The following POLR1A variants were observed in gnomAD, a reference collection of about 807,000 sequenced individuals.
The protein encoded by POLR1A is RNA polymerase I subunit A, also known as DNA-directed RNA polymerase I subunit RPA1.
Under a neutral mutation model 205.3 loss-of-function variants are expected in POLR1A, and 84 were observed. That is an observed-to-expected ratio of 0.41 (90% confidence interval 0.34 to 0.49). The LOEUF is 0.49. POLR1A is among the 20% of genes least tolerant of loss of function. POLR1A has a pLI of 0.22. For missense variants in POLR1A, 1,645 were observed against 2,204.5 expected (o/e 0.75, Z 5.08); for synonymous variants, 799 against 863.7 (o/e 0.93, Z 1.31).
chr2:86,100,535 C>CTT (rs568031636), intron 1 of POLR1A, among the ~76,000 whole-genome samples: 1,777 of 137,606 alleles, frequency 0.013, 43 homozygotes, highest in African/African-American at 0.044. Flanking sequence ...ATTATTCTGT[C>CTT]TTTTTTTTTT....
rs376335615 is a variant in POLR1A at position 86,049,168 on chromosome 2, C to T, written c.2467G>A (p.Gly823Arg). The change falls in exon 17 of 34, where the codon GGG becomes AGG. Residue 823 changes from glycine (G) to arginine (R), a missense_variant. Physicochemically the swap from Gly to Arg is moderately radical, Grantham distance 125. Coordinates refer to ENST00000263857, the MANE Select transcript of POLR1A (RefSeq NM_015425.6). The stretch of plus-strand genomic sequence containing the variant: ...TCGAAGTCCCTCCTTACCTGGGGCC[C>T]GCAGTGGGTGGATTCTTCAATGATA... ...QRIIEESTHC[G>R]PQAVRAALNL... The T allele has an allele frequency of 3.1e-6, 5 of 1,613,396 alleles. No homozygotes were observed. Among genetic ancestry groups the T allele is most frequent in the Non-Finnish European group, 4.2e-6 (5 of 1,179,398 alleles).
chr2:86,037,158 G>A (rs925627356), intron 27 of POLR1A: 11 of 152,290 alleles, frequency 7.2e-5, no homozygotes. Flanking sequence ...TAATTAAGGA[G>A]CTGGCAGGCG....
At chr2:86,076,340 T>C (rs965990197) in intron 11 of POLR1A, among the ~76,000 whole-genome samples, 8 of 152,238 alleles carry the variant, frequency 5.3e-5, no homozygotes, top group African/African-American at 1.7e-4. Flanking sequence ...GAGCCTGCTC[T>C]ACTGTTGCTG....
rs1186550871 is a variant in POLR1A, at chr2:86,039,342, C to T, written c.3861G>A (p.Arg1287=). 6.2e-7 allele frequency: 1 copy of T among 1,614,032 alleles called. No individual in the cohort carries two copies. Among genetic ancestry groups the T allele is most frequent in the Admixed American group, 1.7e-5 (1 of 60,006 alleles). Residue 1287 remains arginine, a synonymous_variant, in exon 26 of 34, where the codon AGG becomes AGA. Coordinates refer to ENST00000263857, the MANE Select transcript of POLR1A (RefSeq NM_015425.6). ...GAGACGTTACCTCCCCCAAGCACAC[C>T]CTGGTGAGTTGCTTCTTCAGGCTTT... ...RVKSLKKQLT[R]VCLGEVLQKI... is the part of the protein sequence containing the mutation.
At chr2:86,046,507 G>A (rs1236256705) in intron 19 of POLR1A, among the ~76,000 whole-genome samples, 1 of 152,072 alleles carries the variant, frequency 6.6e-6, no homozygotes, top group East Asian at 1.9e-4. Context: ...CAAGGTTTAA[G>A]GTTAAGAAAT....
chr2:86,055,631 G>A (rs1672882344), intron 14 of POLR1A, among the ~76,000 whole-genome samples: 1 of 152,184 alleles, frequency 6.6e-6, no homozygotes, highest in African/African-American at 2.4e-5. Flanking sequence ...CTGGAACTTG[G>A]TGTGAAAGGT....
chr2:86,065,605 A>C, intron 13 of POLR1A, 140 bp from the exon 14 acceptor site: 1 of 689,776 alleles, frequency 1.4e-6, no homozygotes, highest in East Asian at 2.7e-5. Flanking sequence ...CATCCTCACT[A>C]TGTTCTTGCT....
At chr2:86,040,239 A>G (rs1672577380) in intron 25 of POLR1A, 153 bp downstream of exon 25, 1 of 598,714 alleles carries the variant, frequency 1.7e-6, no homozygotes, top group East Asian at 3.2e-5. Flanking sequence ...TGGAAATTCT[A>G]ACCCTGATCC....
chr2:86,028,542 G>T lies in POLR1A; in HGVS notation c.4897+52C>A. ...CCTGACCCTCCTGCCGAGCCTTCTG[G>T]TGTCCTGGCTGGTGCCCAGACCTCG... On this transcript the variant is annotated intron_variant, in intron 32 of 33. Coordinates refer to ENST00000263857, the MANE Select transcript of POLR1A (RefSeq NM_015425.6). This position sits in a 1 kb window ranked among gnomAD's most constrained non-coding sequence, Gnocchi z 4.5. 2.0e-5 allele frequency: 26 copies of T among 1,321,682 alleles called. No homozygotes were observed. Among genetic ancestry groups the T allele is most frequent in the Non-Finnish European group, 2.8e-5 (26 of 913,124 alleles). 81.9% of individuals were successfully genotyped at this position (1,321,682 alleles called of 1,614,324 possible). A position where few individuals can be genotyped will look rare whatever the true frequency, so the allele number is the denominator to read the frequency against.
chr2:86,035,034 C>G (rs1672469246), intron 27 of POLR1A, among the ~76,000 whole-genome samples: 1 of 152,120 alleles, frequency 6.6e-6, no homozygotes, highest in Non-Finnish European at 1.5e-5. Context: ...CCATGCCCGA[C>G]TAATTTTTCT....
At chr2:86,049,287 T>A in intron 16 of POLR1A, 45 bp from the exon 17 acceptor site, 1 of 1,396,800 alleles carries the variant, frequency 7.2e-7, no homozygotes, top group Non-Finnish European at 1.0e-6. Flanking sequence ...TCAGGCCTGA[T>A]TTCTCCCACC....
chr2:86,045,847 T>C (rs1672701278), intron 19 of POLR1A, 78 bp from the exon 20 acceptor site: 2 of 1,285,540 alleles, frequency 1.6e-6, no homozygotes. Flanking sequence ...AGGGAAAGTA[T>C]AATCTGACCT....
rs1369347191 is a variant in POLR1A at position 86,105,886 on chromosome 2, T to C, written c.-110A>G. On this transcript the variant is annotated 5_prime_UTR_variant, in exon 1 of 34. Transcript: ENST00000263857. ...GTCACCACGCGATTCAACGTGCGCT[T>C]GCGCGCGGAAGCGGTCGCAGGAACG... is the stretch of plus-strand genomic sequence containing the variant. 2.9e-6 allele frequency: 3 copies of C among 1,019,478 alleles called. No homozygotes were observed. In the East Asian group the frequency reaches 7.5e-5, roughly 26 times the overall value. The allele number at this position is 1,019,478 out of a possible 1,614,324, so 63.2% of individuals were successfully genotyped here. A position where few individuals can be genotyped will look rare whatever the true frequency, so the allele number is the denominator to read the frequency against.
chr2:86,034,584 C>A (rs1277656483), intron 27 of POLR1A, among the ~76,000 whole-genome samples: 1 of 152,100 alleles, frequency 6.6e-6, no homozygotes, highest in Non-Finnish European at 1.5e-5. Context: ...CTCATGTAAC[C>A]CCCTGCCTGT....
intron 12 of POLR1A, among the ~76,000 whole-genome samples, chr2:86,072,735 C>T (rs1673202218): frequency 6.6e-6 from 1 of 152,206 alleles, no homozygotes; most frequent in Non-Finnish European, 1.5e-5. Context: ...CTTTTATTTA[C>T]AAGGCCCAGG....
rs1426501232 is a variant in POLR1A at position 86,041,186 on chromosome 2, T to TGCACGC, written c.3573-628_3573-627insGCGTGC. 8.9e-3 allele frequency among the ~76,000 whole-genome samples: 577 copies of TGCACGC among 65,146 alleles called. 6 individuals are homozygous for TGCACGC. The highest frequency in any genetic ancestry group is 0.024 in the African/African-American group (559 of 23,524). The allele number at this position is 65,146 out of a possible 152,430, so 42.7% of individuals were successfully genotyped here. On this transcript the variant is annotated intron_variant, in intron 24 of 33. Coordinates refer to ENST00000263857, the MANE Select transcript of POLR1A (RefSeq NM_015425.6). ...GTGTGTGTGTGTGTGTGTGTGTGTG[T>TGCACGC]GTGTGCGCGCTGAGCTACAGTGTCT...
intron 3 of POLR1A, among the ~76,000 whole-genome samples, chr2:86,095,414 T>C (rs888678152): frequency 3.3e-5 from 5 of 152,236 alleles, no homozygotes; most frequent in South Asian, 2.1e-4. Context: ...TAGGATTGTA[T>C]TGAAAATCTA....
chr2:86,031,323 C>A lies in POLR1A; in HGVS notation c.4578+7G>T. On this transcript the variant is annotated splice_region_variant and intron_variant, in intron 30 of 33. Coordinates refer to ENST00000263857, the MANE Select transcript of POLR1A (RefSeq NM_015425.6). ...ACCCAAGCCCTGGCCTGCACGGCCA[C>A]ACTGACCTGGCACCACAGGCTCTCC... The A allele has an allele frequency of 6.5e-7, 1 of 1,541,044 alleles. No individual in the cohort carries two copies. Among genetic ancestry groups the A allele is most frequent in the Non-Finnish European group, 8.8e-7 (1 of 1,141,700 alleles).
intron 25 of POLR1A, 101 bp downstream of exon 25, chr2:86,040,291 T>A: frequency 1.1e-6 from 1 of 918,362 alleles, no homozygotes; most frequent in East Asian, 3.0e-5. Flanking sequence ...ACAGACACAC[T>A]CTCTCATTCA....
Sources: allele counts gnomAD v4.1 joint callset (sites outside exome capture counted in the v4.1 genomes callset), GRCh38; gene constraint gnomAD v4.1.1; non-coding constraint Gnocchi (gnomAD v3.1); transcripts MANE v1.5; gene names NCBI Gene and HGNC (gene_info 2026-07-23, HGNC 2026-07-21).